The following DMC1 variants were observed in gnomAD, a reference collection of about 807,000 sequenced individuals.
DMC1 encodes the protein meiotic recombination protein DMC1 homolog.
DMC1 carries 27 observed loss-of-function variants against 50.1 expected under a neutral mutation model. The ratio of observed to expected loss-of-function variants is 0.54; its 90% confidence interval spans 0.40 to 0.74. The LOEUF (loss-of-function observed/expected upper bound fraction) is 0.74, where lower values mean the gene tolerates loss of function less well. Among genes scored for constraint, DMC1 ranks in the 30% least tolerant of loss-of-function variants. DMC1 has a pLI of 0.00. For missense variants in DMC1, 295 were observed against 420.2 expected (o/e 0.70, Z 2.60); for synonymous variants, 148 against 136.1 (o/e 1.09, Z -0.61).
intron 12 of DMC1, among the ~76,000 whole-genome samples, chr22:38,529,820 G>C (rs1738145638): frequency 6.6e-6 from 1 of 152,160 alleles, no homozygotes; most frequent in Admixed American, 6.6e-5. Context: ...ATACTGCTTA[G>C]AGTGTGGATC....
At chr22:38,568,989 G>A (rs977202101) in intron 1 of DMC1, among the ~76,000 whole-genome samples, 1 of 151,880 alleles carries the variant, frequency 6.6e-6, no homozygotes, top group African/African-American at 2.4e-5. Flanking sequence ...TCAGGAGTTC[G>A]AGACCAGCCT....
chr22:38,543,130 G>C (rs942738005), intron 8 of DMC1, among the ~76,000 whole-genome samples: 2 of 151,942 alleles, frequency 1.3e-5, no homozygotes, highest in African/African-American at 4.8e-5. Flanking sequence ...AAACTCTGTA[G>C]AACACTGGAC....
rs566389993 is a variant in DMC1, at chr22:38,544,382, C to T, written c.495-4970G>A. Among the ~76,000 whole-genome samples the T allele has an allele frequency of 5.3e-5, 8 of 152,268 alleles. No homozygotes were observed. The East Asian group carries it at 1.2e-3, about 22-fold the overall frequency. Reference sequence around the variant, plus strand: ...TAATCAGAAACTCAAAAGAATGCAACCATTTGTGTCTCACCTATCTGTGAC... The same window carrying T: ...TAATCAGAAACTCAAAAGAATGCAATCATTTGTGTCTCACCTATCTGTGAC... On this transcript the variant is annotated intron_variant, in intron 8 of 13. Coordinates refer to ENST00000216024, the MANE Select transcript of DMC1 (RefSeq NM_007068.4).
intron 5 of DMC1, 138 bp downstream of exon 5, chr22:38,562,149 G>GAA: frequency 1.6e-5 from 10 of 607,600 alleles, no homozygotes; most frequent in Admixed American, 3.1e-5. Flanking sequence ...TTATCATTTA[G>GAA]AAAAAAAAAC....
chr22:38,521,590 A>AC lies in DMC1; in HGVS notation c.953+17_953+18insG, dbSNP rs757107730. 506 of 1,425,936 alleles carry AC rather than the reference A, an allele frequency of 3.5e-4. 2 individuals are homozygous for AC. Among genetic ancestry groups the AC allele is most frequent in the Admixed American group, 2.1e-3 (120 of 57,870 alleles). 88.3% of individuals were successfully genotyped at this position (1,425,936 alleles called of 1,614,324 possible). Reference sequence around the variant, plus strand: ...ACACACACACACACACACACACACAAAATAAAAAAAAATTTACCTGTCATA... The same window carrying AC: ...ACACACACACACACACACACACACAACAATAAAAAAAAATTTACCTGTCATA... On this transcript the variant is annotated intron_variant, in intron 13 of 13. Transcript: ENST00000216024.
At chr22:38,534,799 C>G (rs887591372) in intron 12 of DMC1, among the ~76,000 whole-genome samples, 1 of 150,722 alleles carries the variant, frequency 6.6e-6, no homozygotes. Flanking sequence ...GTCGGGAGTT[C>G]GAGACCAGCC....
At chr22:38,518,328 A>G (rs562567000), downstream of DMC1, among the ~76,000 whole-genome samples, 27 of 152,292 alleles carry the variant, frequency 1.8e-4, no homozygotes, top group Admixed American at 3.9e-4. Context: ...TGAATTAATT[A>G]TATAATCATT....
chr22:38,527,459 C>G (rs552461267), intron 12 of DMC1, among the ~76,000 whole-genome samples: 1 of 152,080 alleles, frequency 6.6e-6, no homozygotes, highest in East Asian at 1.9e-4. Context: ...CCCACCTCGG[C>G]CTCCCAAAGT....
chr22:38,539,271 T>A (rs1221096116), intron 9 of DMC1, 50 bp downstream of exon 9: 1 of 1,328,624 alleles, frequency 7.5e-7, no homozygotes, highest in South Asian at 1.2e-5. Flanking sequence ...AGTAAATCAG[T>A]GCTGCCAACC....
chr22:38,557,777 C>G (rs144423971), intron 5 of DMC1, among the ~76,000 whole-genome samples: 2 of 151,968 alleles, frequency 1.3e-5, no homozygotes, highest in Non-Finnish European at 2.9e-5. Context: ...GGATTGGCCT[C>G]TGACTGATTA....
chr22:38,546,675 T>C (rs190502061), intron 8 of DMC1, among the ~76,000 whole-genome samples: 26 of 152,274 alleles, frequency 1.7e-4, no homozygotes, highest in African/African-American at 6.3e-4. Flanking sequence ...CTATAATAGG[T>C]CAAGAAGGAC....
chr22:38,518,076 G>T (rs562137246), downstream of DMC1, among the ~76,000 whole-genome samples: 2 of 151,854 alleles, frequency 1.3e-5, no homozygotes, highest in South Asian at 4.1e-4. Context: ...GGGTTCATGA[G>T]ATTTTCCTGC....
At chr22:38,545,789 T>C (rs929901034) in intron 8 of DMC1, 1 of 152,184 alleles carries the variant, frequency 6.6e-6, no homozygotes, top group Non-Finnish European at 1.5e-5. Flanking sequence ...TAAATATTTA[T>C]TAACCAATTA....
intron 11 of DMC1, 23 bp downstream of exon 11, chr22:38,538,272 G>A (rs2090238172): frequency 6.3e-7 from 1 of 1,577,146 alleles, no homozygotes; most frequent in Non-Finnish European, 8.7e-7. Context: ...AGTCACAGAT[G>A]CCATTTTATT....
chr22:38,541,596 T>C (rs1201415867), intron 8 of DMC1, among the ~76,000 whole-genome samples: 1 of 152,234 alleles, frequency 6.6e-6, no homozygotes, highest in African/African-American at 2.4e-5. Flanking sequence ...ACAATAAACA[T>C]ATAGCTGAGA....
rs145066963 is a variant in DMC1, at chr22:38,535,351, C to T, written c.836+2241G>A. On this transcript the variant is annotated intron_variant, in intron 12 of 13. Coordinates refer to ENST00000216024, the MANE Select transcript of DMC1 (RefSeq NM_007068.4). ...AACAAAAAACCGTATACACATACCA[C>T]ATACATATACATATGAGAATGTGTG... 7.8e-4 allele frequency among the ~76,000 whole-genome samples: 118 copies of T among 151,198 alleles called. 1 individual carries two copies. In the East Asian group the frequency reaches 0.022, roughly 28 times the overall value.
chr22:38,539,324 T>C lies in DMC1; in HGVS notation c.583A>G (p.Thr195Ala). The change falls in exon 9 of 14, where the codon ACT becomes GCT. Residue 195 changes from threonine (T) to alanine (A), a missense_variant. Transcript: ENST00000216024. The part of the protein sequence containing the change: ...LDNVLYARAY[T>A]SEHQMELLDY... ...TCCAACTGCATGGGGCTCTTACTAG[T>C]ATATGCACGTGCATAAAGTACGTTG... 6.2e-7 allele frequency: 1 copy of C among 1,612,522 alleles called. No homozygotes were observed. The highest frequency in any genetic ancestry group is 8.5e-7 in the Non-Finnish European group (1 of 1,178,566).
chr22:38,542,289 C>T (rs961697173), intron 8 of DMC1, among the ~76,000 whole-genome samples: 1 of 151,866 alleles, frequency 6.6e-6, no homozygotes, highest in Non-Finnish European at 1.5e-5. Flanking sequence ...ATAATAAGAT[C>T]TTATGTTTGG....
At chr22:38,547,590 G>A (rs569506380) in intron 8 of DMC1, among the ~76,000 whole-genome samples, 1 of 151,834 alleles carries the variant, frequency 6.6e-6, no homozygotes, top group East Asian at 1.9e-4. Context: ...GCCCAGGCTG[G>A]AGTGCAATGG....
Sources: gnomAD v4.1 joint callset for allele counts (sites outside exome capture counted in the v4.1 genomes callset) on GRCh38, gnomAD v4.1.1 for gene constraint, MANE v1.5 for transcripts, NCBI Gene and HGNC (gene_info 2026-07-23, HGNC 2026-07-21) for gene names.